PAN3: variants seen among roughly 807,000 people sequenced by gnomAD.
PAN3 encodes poly(A) specific ribonuclease subunit PAN3, also known as PAN2-PAN3 deadenylation complex subunit PAN3.
PAN3 carries 19 observed loss-of-function variants against 96.2 expected under a neutral mutation model. That is an observed-to-expected ratio of 0.20 (90% confidence interval 0.14 to 0.29). The LOEUF is 0.29. Ranked by LOEUF, PAN3 falls within the 10% of genes least tolerant of loss-of-function variation. The probability of loss-of-function intolerance (pLI) is 1.00; values close to 1 mark genes in which losing one functional copy is unlikely to be tolerated. For missense variants in PAN3, 882 were observed against 1,108.1 expected (o/e 0.80, Z 2.90); for synonymous variants, 433 against 406.6 (o/e 1.06, Z -0.78).
intron 3 of PAN3, among the ~76,000 whole-genome samples, chr13:28,177,562 AC>A (rs1215744267): frequency 6.6e-6 from 1 of 151,914 alleles, no homozygotes; most frequent in African/African-American, 2.4e-5. Context: ...AGGTCAACTT[AC>A]TGCCTTCATA....
chr13:28,139,409 C>T (rs1593336098), intron 1 of PAN3, among the ~76,000 whole-genome samples: 1 of 110,562 alleles, frequency 9.0e-6, no homozygotes, highest in East Asian at 2.6e-4. Flanking sequence ...GTGTCGTTTC[C>T]GGGGGGTGTG....
At chr13:28,209,138 G>GT (rs373771989) in intron 5 of PAN3, among the ~76,000 whole-genome samples, 6 of 151,798 alleles carry the variant, frequency 4.0e-5, no homozygotes, top group African/African-American at 7.3e-5. Context: ...ATTGTTGTTG[G>GT]TTTTTTTTAC....
chr13:28,253,557 T>C (rs1248654628), intron 6 of PAN3, among the ~76,000 whole-genome samples: 1 of 152,072 alleles, frequency 6.6e-6, no homozygotes, highest in African/African-American at 2.4e-5. Context: ...TGATGCTTAC[T>C]GTTGTACATG....
At chr13:28,227,505 G>A (rs891910260) in intron 6 of PAN3, among the ~76,000 whole-genome samples, 1 of 152,132 alleles carries the variant, frequency 6.6e-6, no homozygotes, top group Non-Finnish European at 1.5e-5. Context: ...AGTGTATTAT[G>A]ACTCGATTGC....
At chr13:28,153,726 G>A (rs1214204363) in intron 1 of PAN3, among the ~76,000 whole-genome samples, 1 of 152,036 alleles carries the variant, frequency 6.6e-6, no homozygotes, top group East Asian at 1.9e-4. Flanking sequence ...TACAAAAGAC[G>A]AACCCAAACC....
Position 28,169,206 on chromosome 13 carries a change from AT to A in PAN3, c.431-5056del, listed in dbSNP as rs201186587. Among the ~76,000 whole-genome samples the A allele has an allele frequency of 5.9e-3, 525 of 88,904 alleles. 5 individuals carry two copies. The highest frequency in any genetic ancestry group is 0.027 in the South Asian group (77 of 2,874). The allele number at this position is 88,904 out of a possible 152,430, so 58.3% of individuals were successfully genotyped here. A position where few individuals can be genotyped will look rare whatever the true frequency, so the allele number is the denominator to read the frequency against. Reference sequence around the variant, plus strand: ...AAAAGTATTCTACATGCATTTTCTCATTTTTTTTTTGTTTGCTTTTTTTTTT... The same window carrying A: ...AAAAGTATTCTACATGCATTTTCTCATTTTTTTTTGTTTGCTTTTTTTTTT... On this transcript the variant is annotated intron_variant, in intron 1 of 18. Transcript: ENST00000380958.
At chr13:28,220,181 CTT>C in intron 5 of PAN3, 48 bp from the exon 6 acceptor site, 1 of 1,551,270 alleles carries the variant, frequency 6.4e-7, no homozygotes, top group Non-Finnish European at 8.8e-7. Context: ...GATTCAATGT[CTT>C]TTTTCGGCTT....
rs905596949 is a variant in PAN3 at position 28,270,937 on chromosome 13, G to A, written c.1958+71G>A. The A allele has an allele frequency of 4.3e-6, 6 of 1,388,656 alleles. No individual in the cohort carries two copies. In the African/African-American group the frequency reaches 7.2e-5, roughly 17 times the overall value. The allele number at this position is 1,388,656 out of a possible 1,614,324, so 86.0% of individuals were successfully genotyped here. A position where few individuals can be genotyped will look rare whatever the true frequency, so the allele number is the denominator to read the frequency against. The stretch of plus-strand genomic sequence containing the variant: ...TTTGACAGCTTAGTAAACAAAACAT[G>A]ATTGTTTTAATTCTGCCTTTTCATA... On this transcript the variant is annotated intron_variant, in intron 13 of 18. Transcript: ENST00000380958.
chr13:28,198,642 A>G (rs1878354074), intron 5 of PAN3, among the ~76,000 whole-genome samples: 1 of 152,226 alleles, frequency 6.6e-6, no homozygotes, highest in Non-Finnish European at 1.5e-5. Context: ...AAAAATTGAT[A>G]ATTATTCTGT....
intron 1 of PAN3, among the ~76,000 whole-genome samples, chr13:28,140,556 T>C (rs1450503018): frequency 6.6e-6 from 1 of 152,198 alleles, no homozygotes; most frequent in Non-Finnish European, 1.5e-5. Context: ...GCTTTCTTGC[T>C]TTTTCTTTCG....
At chr13:28,280,072 C>G (rs536369629) in intron 15 of PAN3, among the ~76,000 whole-genome samples, 1 of 152,046 alleles carries the variant, frequency 6.6e-6, no homozygotes, top group African/African-American at 2.4e-5. Flanking sequence ...AAGTGTGAAC[C>G]ACTGCACCTG....
At chr13:28,160,551 T>A (rs575814456) in intron 1 of PAN3, among the ~76,000 whole-genome samples, 49 of 152,226 alleles carry the variant, frequency 3.2e-4, no homozygotes, top group Admixed American at 1.8e-3. Context: ...TAGGATTGAG[T>A]GAGATGAATA....
chr13:28,169,445 G>C (rs1259391267), intron 1 of PAN3, among the ~76,000 whole-genome samples: 3 of 151,424 alleles, frequency 2.0e-5, no homozygotes, highest in Non-Finnish European at 2.9e-5. Context: ...GGCCAGGCTG[G>C]TCTCAGATGA....
intron 1 of PAN3, among the ~76,000 whole-genome samples, chr13:28,145,757 ATTTTTTTTT>A (rs895808998): frequency 8.0e-6 from 1 of 124,466 alleles, no homozygotes; most frequent in Non-Finnish European, 1.7e-5. Context: ...TGCCAAGCTA[ATTTTTTTTT>A]TTTTTTTTTT....
At position 28,266,723 on chromosome 13, in the gene PAN3, A is replaced by G. The variant is rs757023953; in HGVS notation, c.1420A>G (p.Thr474Ala). 8 of 1,582,724 alleles carry G rather than the reference A, an allele frequency of 5.1e-6. No individual in the cohort carries two copies. Among genetic ancestry groups the G allele is most frequent in the Non-Finnish European group, 6.9e-6 (8 of 1,167,340 alleles). ...CTTATGAATTACTCTAGCAGTTCCT[A>G]CAGAGGTTGACAGCTACCATAGCCT... ...IDQADMPAVPTEVDSYHSLFP... is the reference protein window; with the variant it reads ...IDQADMPAVPAEVDSYHSLFP... Residue 474 changes from threonine to alanine, a missense_variant, in exon 10 of 19, where the codon ACA becomes GCA. By Grantham distance (58) the Thr-to-Ala change is moderately conservative. Transcript: ENST00000380958.
intron 1 of PAN3, among the ~76,000 whole-genome samples, chr13:28,171,795 C>T (rs1469566511): frequency 2.0e-5 from 3 of 152,164 alleles, no homozygotes; most frequent in African/African-American, 7.2e-5. Context: ...ATTAACTCAG[C>T]CTGTAGCCCC....
intron 6 of PAN3, among the ~76,000 whole-genome samples, chr13:28,250,416 G>A (rs1282821504): frequency 1.3e-5 from 2 of 151,868 alleles, no homozygotes; most frequent in African/African-American, 4.8e-5. Context: ...CACCCAGGCT[G>A]GAACAGTGGT....
chr13:28,224,739 C>G (rs923886898), intron 6 of PAN3, among the ~76,000 whole-genome samples: 3 of 152,208 alleles, frequency 2.0e-5, no homozygotes, highest in African/African-American at 7.2e-5. Flanking sequence ...TCTCCCACCT[C>G]AAACTCCTGA....
chr13:28,290,539 G>A (rs1367018848), intron 18 of PAN3, among the ~76,000 whole-genome samples: 2 of 151,962 alleles, frequency 1.3e-5, no homozygotes, highest in Non-Finnish European at 2.9e-5. Context: ...AAATTAGCCG[G>A]GCGTGGTGGT....
Sources: gnomAD v4.1 joint callset for allele counts (sites outside exome capture counted in the v4.1 genomes callset) on GRCh38, gnomAD v4.1.1 for gene constraint, MANE v1.5 for transcripts, NCBI Gene and HGNC (gene_info 2026-07-23, HGNC 2026-07-21) for gene names.